CCDC3: variants seen among roughly 807,000 people sequenced by gnomAD.
CCDC3 encodes the protein coiled-coil domain-containing protein 3.
In CCDC3, 24 loss-of-function variants were observed where a neutral mutation model predicts 21.4. The ratio of observed to expected loss-of-function variants is 1.12; its 90% confidence interval spans 0.81 to 1.58. The LOEUF is 1.58. CCDC3 is among the 40% of genes most tolerant of loss of function. The pLI is 0.00. For missense variants in CCDC3, 425 were observed against 360.9 expected (o/e 1.18, Z -1.44); for synonymous variants, 186 against 166.0 (o/e 1.12, Z -0.93).
chr10:12,947,924 G>T (rs1834941950), intron 2 of CCDC3, among the ~76,000 whole-genome samples: 1 of 152,176 alleles, frequency 6.6e-6, no homozygotes, highest in South Asian at 2.1e-4. Flanking sequence ...AGGCTCAGAA[G>T]ACAGACCCAA....
At chr10:13,041,021 C>A (rs1836447524) in intron 5 of CCDC3, among the ~76,000 whole-genome samples, 1 of 152,106 alleles carries the variant, frequency 6.6e-6, no homozygotes, top group Non-Finnish European at 1.5e-5. Flanking sequence ...AATGATTATA[C>A]CTCATGCTGA....
chr10:12,988,673 T>C (rs975614531), intron 2 of CCDC3, among the ~76,000 whole-genome samples: 1 of 152,122 alleles, frequency 6.6e-6, no homozygotes, highest in East Asian at 1.9e-4. Flanking sequence ...GCCAAACACC[T>C]ATCATTATCT....
intron 3 of CCDC3, among the ~76,000 whole-genome samples, chr10:13,083,684 G>A (rs182259562): frequency 6.6e-4 from 100 of 152,312 alleles, no homozygotes; most frequent in Middle Eastern, 3.4e-3. Flanking sequence ...AAGTCCTTTC[G>A]TAAGCAACTT....
At chr10:13,036,475 C>A (rs1195856723) in intron 5 of CCDC3, among the ~76,000 whole-genome samples, 1 of 151,888 alleles carries the variant, frequency 6.6e-6, no homozygotes, top group Non-Finnish European at 1.5e-5. Flanking sequence ...CTTATGTGTG[C>A]TTTTTTTGTT....
At chr10:13,057,888 A>G (rs1468945411) in intron 4 of CCDC3, 1 of 476,722 alleles carries the variant, frequency 2.1e-6, no homozygotes, top group South Asian at 2.1e-5. Flanking sequence ...CTCAAAAAAA[A>G]GTTAAAACCT....
chr10:12,989,329 C>T (rs1193098507), intron 2 of CCDC3, among the ~76,000 whole-genome samples: 1 of 152,232 alleles, frequency 6.6e-6, no homozygotes, highest in Admixed American at 6.5e-5. Context: ...CCATGGTCCA[C>T]CACTGACTTA....
upstream of CCDC3, among the ~76,000 whole-genome samples, chr10:13,002,306 C>T (rs954715882): frequency 2.0e-5 from 3 of 152,240 alleles, no homozygotes; most frequent in Non-Finnish European, 4.4e-5. Context: ...TCCCAAACAG[C>T]TTTTCACATC....
At chr10:12,920,205 A>AAG (rs765600303) in intron 2 of CCDC3, among the ~76,000 whole-genome samples, 37 of 152,312 alleles carry the variant, frequency 2.4e-4, no homozygotes, top group Admixed American at 4.6e-4. Flanking sequence ...GGCGGCAGGC[A>AAG]CGAGAGAATG....
intron 2 of CCDC3, among the ~76,000 whole-genome samples, chr10:12,947,188 C>T (rs11258076): frequency 0.12 from 18,108 of 151,536 alleles, 1,142 homozygotes; most frequent in Middle Eastern, 0.18. Context: ...TGCTTGGTAG[C>T]CCAGGCTGGA....
intron 5 of CCDC3, among the ~76,000 whole-genome samples, chr10:13,019,810 A>G (rs1836121924): frequency 6.6e-6 from 1 of 152,088 alleles, no homozygotes; most frequent in Admixed American, 6.6e-5. Context: ...AGCCTGACCA[A>G]TATGGTGAAA....
chr10:12,995,639 C>T (rs2131283677), intron 2 of CCDC3, among the ~76,000 whole-genome samples: 1 of 152,252 alleles, frequency 6.6e-6, no homozygotes, highest in South Asian at 2.1e-4. Context: ...GTGCAGAGTC[C>T]CTCAGATTGA....
intron 3 of CCDC3, among the ~76,000 whole-genome samples, chr10:13,093,045 T>C (rs1351388124): frequency 2.2e-5 from 3 of 136,512 alleles, no homozygotes; most frequent in Admixed American, 7.4e-5. Flanking sequence ...TTTTTTTTTT[T>C]TCAAAAACAA....
chr10:12,939,652 TGGGAAA>T (rs1834789591), intron 2 of CCDC3, among the ~76,000 whole-genome samples: 13 of 5,440 alleles, frequency 2.4e-3, no homozygotes, highest in African/African-American at 6.7e-3. Flanking sequence ...TGAGATACCC[TGGGAAA>T]GCGGATCAAT....
intron 2 of CCDC3, among the ~76,000 whole-genome samples, chr10:12,998,127 A>C (rs1835790207): frequency 6.6e-6 from 1 of 152,154 alleles, no homozygotes; most frequent in Non-Finnish European, 1.5e-5. Flanking sequence ...TCCTTATCCA[A>C]CAGTAAAGCT....
chr10:12,979,766 C>T (rs192271520), intron 2 of CCDC3, among the ~76,000 whole-genome samples: 4 of 152,028 alleles, frequency 2.6e-5, no homozygotes, highest in African/African-American at 7.2e-5. Context: ...CTAAATAAAC[C>T]GCTACTGACT....
intron 2 of CCDC3, among the ~76,000 whole-genome samples, chr10:12,997,413 GC>G (rs1835778915): frequency 6.6e-6 from 1 of 152,184 alleles, no homozygotes; most frequent in Admixed American, 6.5e-5. Context: ...CTTGGTTGTG[GC>G]AAAGCCCATT....
At chr10:13,023,401 G>A (rs1326796042) in intron 5 of CCDC3, among the ~76,000 whole-genome samples, 1 of 152,144 alleles carries the variant, frequency 6.6e-6, no homozygotes, top group African/African-American at 2.4e-5. Context: ...CATTGACTGG[G>A]GGCTTAGCTG....
intron 2 of CCDC3, among the ~76,000 whole-genome samples, chr10:12,930,730 G>A (rs189111078): frequency 7.2e-5 from 11 of 152,306 alleles, no homozygotes; most frequent in African/African-American, 2.6e-4. Context: ...AGAGACCAAA[G>A]ATGCTACTAA....
At chr10:12,972,017 C>G (rs1049596702) in intron 2 of CCDC3, among the ~76,000 whole-genome samples, 4 of 152,110 alleles carry the variant, frequency 2.6e-5, no homozygotes, top group Admixed American at 6.6e-5. Context: ...TCTGCTCTCT[C>G]CTGCCTCTCC....
Sources: gnomAD v4.1 joint callset for allele counts (sites outside exome capture counted in the v4.1 genomes callset) on GRCh38, gnomAD v4.1.1 for gene constraint, MANE v1.5 for transcripts, NCBI Gene and HGNC (gene_info 2026-07-23, HGNC 2026-07-21) for gene names.